The following CLTRN variants were observed in gnomAD, a reference collection of about 807,000 sequenced individuals.
CLTRN encodes the protein collectrin, amino acid transport regulator, also known as collectrin.
CLTRN carries 12 observed loss-of-function variants against 14.5 expected under a neutral mutation model. The observed-to-expected ratio is 0.83, with a 90% CI of 0.53 to 1.34. The LOEUF (loss-of-function observed/expected upper bound fraction) is 1.34, where lower values mean the gene tolerates loss of function less well. CLTRN is among the 40% of genes most tolerant of loss of function. CLTRN has a pLI of 0.00. For missense variants in CLTRN, 154 were observed against 165.1 expected, an observed-to-expected ratio of 0.93 and a Z score of 0.37; for synonymous variants, 58 against 56.5, an observed-to-expected ratio of 1.03 and a Z score of -0.12.
intron 2 of CLTRN, among the ~76,000 whole-genome samples, chrX:15,660,806 C>CCAA (rs35179264): frequency 0.13 from 13,525 of 101,349 alleles, 877 homozygotes; most frequent in African/African-American, 0.2. Context: ...GACCCTGTCT[C>CCAA]CAACAACAAC....
At chrX:15,657,654 C>T (rs114121646) in intron 3 of CLTRN, among the ~76,000 whole-genome samples, 1,993 of 108,876 alleles carry the variant, frequency 0.018, 43 homozygotes, top group South Asian at 0.066. Context: ...TCCTGTTCAA[C>T]TTTTTGTAAT....
At chrX:15,653,226 G>T (rs764986989) in intron 3 of CLTRN, among the ~76,000 whole-genome samples, 1 of 111,453 alleles carries the variant, frequency 9.0e-6, no homozygotes, top group Non-Finnish European at 1.9e-5. Context: ...TGGGTTGGGT[G>T]TTGAAGAGTG....
upstream of CLTRN, among the ~76,000 whole-genome samples, chrX:15,668,359 G>T (rs2147217526): frequency 8.9e-6 from 1 of 112,049 alleles, no homozygotes; most frequent in South Asian, 3.7e-4. Flanking sequence ...AAAATGATGT[G>T]TCATGTGATA....
At position 15,659,074 on chromosome X, in the gene CLTRN, G is replaced by A. The variant is rs750153998; in HGVS notation, c.145C>T (p.Leu49Phe). The A allele has an allele frequency of 1.7e-6, 2 of 1,173,729 alleles. No homozygotes were observed. Among genetic ancestry groups the A allele is most frequent in the Admixed American group, 4.4e-5 (2 of 45,099 alleles). Residue 49 changes from leucine to phenylalanine, a missense_variant, in exon 3 of 6, where the codon CTC (leucine) becomes TTC (phenylalanine). Transcript: ENST00000380342. ...GAGAAAGCTACCATCGCTTTGAAGAGGTATTCTTCATTGGTATCCCAGGCA... is the reference window on the plus strand; with the variant it reads ...GAGAAAGCTACCATCGCTTTGAAGAAGTATTCTTCATTGGTATCCCAGGCA... ...AYAWDTNEEY[L>F]FKAMVAFSMR...
chrX:15,638,904 G>A (rs190398790), intron 5 of CLTRN, among the ~76,000 whole-genome samples: 1 of 112,128 alleles, frequency 8.9e-6, no homozygotes, highest in Non-Finnish European at 1.9e-5. Flanking sequence ...GATGACCTGA[G>A]TATTCATTAA....
intron 2 of CLTRN, 116 bp downstream of exon 2, chrX:15,664,221 C>A (rs1929570832): frequency 4.1e-6 from 2 of 489,312 alleles, no homozygotes. Flanking sequence ...GATTTGAGGT[C>A]TTTAGAAATA....
chrX:15,674,419 C>T (rs1339306690), intron 1 of CLTRN, among the ~76,000 whole-genome samples: 1 of 111,629 alleles, frequency 9.0e-6, no homozygotes, highest in Non-Finnish European at 1.9e-5. Context: ...ATCTCCCTAG[C>T]ATTTAAAGTC....
chrX:15,670,305 C>T (rs1929692058), intron 1 of CLTRN, among the ~76,000 whole-genome samples: 1 of 50,588 alleles, frequency 2.0e-5, no homozygotes, highest in East Asian at 1.6e-3. Flanking sequence ...AAACCAAAAA[C>T]AAAACACACA....
Position 15,627,662 on chromosome X carries a change from A to C in CLTRN, c.*309T>G, listed in dbSNP as rs1251541056. The C allele has an allele frequency of 8.1e-5, 13 of 159,671 alleles. No homozygotes were observed. The highest frequency in any genetic ancestry group is 1.3e-4 in the Non-Finnish European group (11 of 84,597). The allele number at this position is 159,671 out of a possible 1,213,427, so 13.2% of individuals were successfully genotyped here. A position where few individuals can be genotyped will look rare whatever the true frequency, so the allele number is the denominator to read the frequency against. On this transcript the variant is annotated 3_prime_UTR_variant, in exon 6 of 6. Transcript: ENST00000380342. ...TTTTCCTTAGGTCTTTGAAGTGTGA[A>C]AATATATACATATGCCTGATCTTAT... is the stretch of plus-strand genomic sequence containing the variant.
intron 3 of CLTRN, among the ~76,000 whole-genome samples, chrX:15,645,350 C>T (rs1929039082): frequency 9.0e-6 from 1 of 111,058 alleles, no homozygotes; most frequent in Non-Finnish European, 1.9e-5. Flanking sequence ...AATGCTTGGC[C>T]CTCTCTGAAC....
chrX:15,673,412 T>C (rs756866591), intron 1 of CLTRN, among the ~76,000 whole-genome samples: 1 of 112,433 alleles, frequency 8.9e-6, no homozygotes, highest in South Asian at 3.6e-4. Context: ...ACTTACTTTA[T>C]ACAGTGTTGC....
chrX:15,638,999 T>C (rs1399602973), intron 5 of CLTRN, among the ~76,000 whole-genome samples: 1 of 111,927 alleles, frequency 8.9e-6, no homozygotes, highest in Non-Finnish European at 1.9e-5. Context: ...CCAGGTGATG[T>C]CTGATGCTGA....
chrX:15,644,939 A>G lies in CLTRN; in HGVS notation c.294T>C (p.Ala98=), dbSNP rs375806149. 5.0e-6 allele frequency: 6 copies of G among 1,204,438 alleles called. No homozygotes were observed. In the Middle Eastern group the frequency reaches 6.9e-4, roughly 138 times the overall value. The change falls in exon 4 of 6, where the codon GCT becomes GCC. Residue 98 remains alanine (A), a synonymous_variant. Transcript: ENST00000380342. ...TDPSKNHTLP[A]VEVQSAIRMN... is the part of the protein sequence containing the mutation. ...ACCTTATGGCTGATTGCACCTCAAC[A>G]GCAGGAAGGGTGTGATTTTTTGAAG...
At chrX:15,632,211 G>A (rs983522825) in intron 5 of CLTRN, among the ~76,000 whole-genome samples, 6 of 111,849 alleles carry the variant, frequency 5.4e-5, no homozygotes, top group African/African-American at 2.0e-4. Context: ...GTTGAGGAAC[G>A]GGGTTTGCTC....
Position 15,653,057 on chromosome X carries a change from G to A in CLTRN, c.203+5959C>T, listed in dbSNP as rs183248255. Among the ~76,000 whole-genome samples the A allele has an allele frequency of 2.7e-5, 3 of 111,388 alleles. No homozygotes were observed. The East Asian group carries it at 8.5e-4, about 31-fold the overall frequency. ...GATGGCGCCACTGCACTCCACCCTG[G>A]GTGACAGAGCGAGACTCCATCTCAA... On this transcript the variant is annotated intron_variant, in intron 3 of 5. Coordinates refer to ENST00000380342, the MANE Select transcript of CLTRN (RefSeq NM_020665.6).
At chrX:15,652,270 G>A (rs1358263647) in intron 3 of CLTRN, among the ~76,000 whole-genome samples, 3 of 111,884 alleles carry the variant, frequency 2.7e-5, no homozygotes, top group Non-Finnish European at 3.8e-5. Context: ...ACGTTTTGAT[G>A]TCATAAAGAA....
intron 3 of CLTRN, among the ~76,000 whole-genome samples, chrX:15,657,125 G>C (rs1219059507): frequency 9.0e-6 from 1 of 110,603 alleles, no homozygotes; most frequent in Non-Finnish European, 1.9e-5. Context: ...TGAGTAGCTG[G>C]GACTATTGGT....
intron 5 of CLTRN, among the ~76,000 whole-genome samples, chrX:15,633,615 G>C (rs189832931): frequency 8.9e-6 from 1 of 112,746 alleles, no homozygotes; most frequent in African/African-American, 3.2e-5. Context: ...ATTTAATTAA[G>C]ACTTTATAAG....
upstream of CLTRN, among the ~76,000 whole-genome samples, chrX:15,666,113 G>A (rs1312475069): frequency 9.0e-6 from 1 of 111,565 alleles, no homozygotes; most frequent in Non-Finnish European, 1.9e-5. Context: ...GGAGAGGATC[G>A]AAAAACTACC....
Sources: gnomAD v4.1 joint callset for allele counts (sites outside exome capture counted in the v4.1 genomes callset) on GRCh38, gnomAD v4.1.1 for gene constraint, MANE v1.5 for transcripts, NCBI Gene and HGNC (gene_info 2026-07-23, HGNC 2026-07-21) for gene names.